Variants in UBR1 observed in about 807,000 individuals in gnomAD.
The protein encoded by UBR1 is E3 ubiquitin-protein ligase UBR1.
Under a neutral mutation model 242.1 loss-of-function variants are expected in UBR1, and 102 were observed. That is an observed-to-expected ratio of 0.42 (90% CI 0.36 to 0.50). The LOEUF is 0.50. Among genes scored for constraint, UBR1 ranks in the 20% least tolerant of loss-of-function variants. UBR1 has a pLI of 0.01. For missense variants in UBR1, 1,772 were observed against 2,101.8 expected (o/e 0.84, Z 3.07); for synonymous variants, 675 against 684.8 (o/e 0.99, Z 0.22).
intron 19 of UBR1, among the ~76,000 whole-genome samples, chr15:43,035,442 T>C (rs1037827921): frequency 6.6e-6 from 1 of 152,124 alleles, no homozygotes; most frequent in African/African-American, 2.4e-5. Context: ...GAAGTGTCTG[T>C]TCATGTCCTT....
chr15:43,008,374 G>A (rs1025073315), intron 29 of UBR1, among the ~76,000 whole-genome samples: 5 of 152,286 alleles, frequency 3.3e-5, no homozygotes, highest in Non-Finnish European at 7.3e-5. Context: ...AGGCGCTGCC[G>A]CGGCCCCGGC....
chr15:42,963,815 C>T (rs1308013708), intron 42 of UBR1, 120 bp downstream of exon 42: 1 of 749,976 alleles, frequency 1.3e-6, no homozygotes, highest in Non-Finnish European at 2.3e-6. Flanking sequence ...TTAGGAATCT[C>T]CTATACTTTT....
At chr15:43,092,267 G>T (rs1351531277) in intron 1 of UBR1, among the ~76,000 whole-genome samples, 2 of 152,076 alleles carry the variant, frequency 1.3e-5, no homozygotes, top group African/African-American at 4.8e-5. Flanking sequence ...ATCAGCCCAA[G>T]AAAATTTTTC....
chr15:43,015,537 C>T (rs1819511274), intron 29 of UBR1, 151 bp downstream of exon 29: 1 of 863,504 alleles, frequency 1.2e-6, no homozygotes, highest in Admixed American at 2.0e-5. Context: ...CCTAGGAAAA[C>T]CAAAGACCTT....
At position 43,082,663 on chromosome 15, in the gene UBR1, C is replaced by T; in HGVS notation, c.392G>A (p.Ser131Asn). Residue 131 changes from serine (S) to asparagine (N), a missense_variant, in exon 3 of 47, where the codon AGT becomes AAT. Transcript: ENST00000290650. ...CVLCMDCFQDSVHKNHRYKMH... is the reference protein window; with the variant it reads ...CVLCMDCFQDNVHKNHRYKMH... Reference sequence around the variant, plus strand: ...CTTGTAACGATGATTTTTATGAACACTGTCCTGGAAGCAGTCCATACAGAG... The same window carrying T: ...CTTGTAACGATGATTTTTATGAACATTGTCCTGGAAGCAGTCCATACAGAG... 6.2e-7 allele frequency: 1 copy of T among 1,613,802 alleles called. No individual in the cohort carries two copies. Among genetic ancestry groups the T allele is most frequent in the Non-Finnish European group, 8.5e-7 (1 of 1,179,840 alleles).
intron 44 of UBR1, among the ~76,000 whole-genome samples, chr15:42,952,795 C>T (rs1048608238): frequency 6.6e-6 from 1 of 152,174 alleles, no homozygotes; most frequent in African/African-American, 2.4e-5. Context: ...TTACCTGCCT[C>T]CTCTGTATTG....
intron 32 of UBR1, among the ~76,000 whole-genome samples, chr15:43,001,035 T>C (rs1426745028): frequency 6.6e-6 from 1 of 152,174 alleles, no homozygotes; most frequent in African/African-American, 2.4e-5. Flanking sequence ...GTTTTTGCCA[T>C]ATTGGCCAGG....
chr15:43,053,676 T>C (rs1311485601), intron 12 of UBR1, among the ~76,000 whole-genome samples: 1 of 152,118 alleles, frequency 6.6e-6, no homozygotes, highest in Non-Finnish European at 1.5e-5. Flanking sequence ...TACTGTAACC[T>C]CAAACCCCTG....
At chr15:43,095,571 TGCTTTAAAAAAACTAA>T (rs2034150236) in intron 1 of UBR1, among the ~76,000 whole-genome samples, 1 of 145,166 alleles carries the variant, frequency 6.9e-6, no homozygotes, top group South Asian at 2.2e-4. Context: ...CTGCATCAAA[TGCTTTAAAAAAACTAA>T]GCTCATCAAC....
At chr15:42,960,452 G>C (rs1035619819) in intron 43 of UBR1, among the ~76,000 whole-genome samples, 193 bp downstream of exon 43, 5 of 152,118 alleles carry the variant, frequency 3.3e-5, no homozygotes, top group Non-Finnish European at 5.9e-5. Flanking sequence ...AATCTAAGAG[G>C]AAAAGGACAG....
intron 15 of UBR1, among the ~76,000 whole-genome samples, chr15:43,040,551 T>A (rs540924374): frequency 2.6e-5 from 4 of 152,192 alleles, no homozygotes; most frequent in South Asian, 2.1e-4. Context: ...AAGGACTTCA[T>A]GTCTAAAACA....
intron 37 of UBR1, among the ~76,000 whole-genome samples, chr15:42,981,405 T>G (rs114966788): frequency 1.3e-3 from 193 of 152,328 alleles, no homozygotes; most frequent in African/African-American, 4.5e-3. Flanking sequence ...ATCTATTATG[T>G]GTACTCCCTT....
At chr15:43,095,000 T>C (rs2034142637) in intron 1 of UBR1, among the ~76,000 whole-genome samples, 2 of 152,236 alleles carry the variant, frequency 1.3e-5, no homozygotes, top group South Asian at 4.1e-4. Context: ...ATCTCTGTCA[T>C]AAGTCATGCC....
rs201159906 is a variant in UBR1 at position 42,945,433 on chromosome 15, G to A, written c.5146C>T (p.Arg1716Trp). Residue 1716 changes from arginine (R) to tryptophan (W), a missense_variant, in exon 47 of 47, where the codon CGG becomes TGG. By Grantham distance (101) the Arg-to-Trp change is moderately radical. Transcript: ENST00000290650. ...TGTTGCCAGACCAAATGGAGCTTCC[G>A]ATACCGCTCACGAGATAAATGAAGG... ...NPLHLSRERY[R>W]KLHLVWQQHC... The A allele has an allele frequency of 2.0e-5, 33 of 1,613,960 alleles. No homozygotes were observed. Among genetic ancestry groups the A allele is most frequent in the South Asian group, 2.2e-5 (2 of 91,078 alleles).
At chr15:43,008,985 C>T (rs1009686559) in intron 29 of UBR1, among the ~76,000 whole-genome samples, 1 of 152,252 alleles carries the variant, frequency 6.6e-6, no homozygotes, top group African/African-American at 2.4e-5. Context: ...CCACCTTGCT[C>T]ACCCTCCAGT....
intron 10 of UBR1, among the ~76,000 whole-genome samples, chr15:43,057,385 T>C (rs1208972730): frequency 6.6e-6 from 1 of 152,204 alleles, no homozygotes; most frequent in Non-Finnish European, 1.5e-5. Flanking sequence ...TTGGGTCCTA[T>C]ATCTATCTTA....
At chr15:43,026,487 G>A in intron 23 of UBR1, 74 bp downstream of exon 23, 4 of 1,317,876 alleles carry the variant, frequency 3.0e-6, no homozygotes, top group Non-Finnish European at 3.3e-6. Flanking sequence ...TATAGAAAAA[G>A]CAGAAAATTT....
intron 1 of UBR1, among the ~76,000 whole-genome samples, chr15:43,093,920 A>C (rs894323184): frequency 6.6e-5 from 10 of 152,154 alleles, no homozygotes; most frequent in African/African-American, 2.4e-4. Flanking sequence ...AGTCTTTTCA[A>C]ATAAATGAAG....
chr15:42,945,014 T>A lies in UBR1; in HGVS notation c.*315A>T. The A allele has an allele frequency of 2.8e-6, 1 of 363,386 alleles. No individual in the cohort carries two copies. Among genetic ancestry groups the A allele is most frequent in the Non-Finnish European group, 5.3e-6 (1 of 189,766 alleles). The allele number at this position is 363,386 out of a possible 1,614,324, so 22.5% of individuals were successfully genotyped here. A position where few individuals can be genotyped will look rare whatever the true frequency, so the allele number is the denominator to read the frequency against. On this transcript the variant is annotated 3_prime_UTR_variant, in exon 47 of 47. Coordinates refer to ENST00000290650, the MANE Select transcript of UBR1 (RefSeq NM_174916.3). ...GAAGAGTTAACCAACATATAAAATG[T>A]CTACAACTGTTTGACGTGACTTCAT...
Sources: allele counts gnomAD v4.1 joint callset (sites outside exome capture counted in the v4.1 genomes callset), GRCh38; gene constraint gnomAD v4.1.1; transcripts MANE v1.5; gene names NCBI Gene and HGNC (gene_info 2026-07-23, HGNC 2026-07-21).